Variants in FOXP1 observed in about 807,000 individuals in gnomAD.
The protein encoded by FOXP1 is forkhead box protein P1.
In FOXP1, 15 loss-of-function variants were observed where a neutral mutation model predicts 98.2. That is an observed-to-expected ratio of 0.15 (90% CI 0.10 to 0.24). The LOEUF is 0.24. FOXP1 is among the 10% of genes least tolerant of loss of function. The pLI is 1.00. For missense variants in FOXP1, 633 were observed against 848.5 expected (o/e 0.75, Z 3.15); for synonymous variants, 371 against 314.5 (o/e 1.18, Z -1.90).
intron 2 of FOXP1, among the ~76,000 whole-genome samples, chr3:71,528,331 C>T (rs557944262): frequency 6.6e-6 from 1 of 152,316 alleles, no homozygotes; most frequent in African/African-American, 2.4e-5. Flanking sequence ...GTAAACATGC[C>T]TTCCAAAGAG....
intron 11 of FOXP1, among the ~76,000 whole-genome samples, chr3:71,027,242 C>CCCAAAAA (rs1235301305): frequency 6.6e-6 from 1 of 152,042 alleles, no homozygotes; most frequent in Non-Finnish European, 1.5e-5. Flanking sequence ...ACCAATGACA[C>CCCAAAAA]CCAAAAAAAC....
intron 6 of FOXP1, among the ~76,000 whole-genome samples, chr3:71,116,550 T>C (rs1419617254): frequency 6.6e-6 from 1 of 152,242 alleles, no homozygotes; most frequent in East Asian, 1.9e-4. Context: ...TGAATTGCTA[T>C]GAATTATCCC....
chr3:71,050,654 T>G (rs2049760242), intron 9 of FOXP1, among the ~76,000 whole-genome samples: 1 of 152,222 alleles, frequency 6.6e-6, no homozygotes, highest in Non-Finnish European at 1.5e-5. Context: ...TTTCCTGTGA[T>G]CATGCATAAT....
chr3:71,530,451 T>A (rs543647101), intron 2 of FOXP1, among the ~76,000 whole-genome samples: 7 of 152,318 alleles, frequency 4.6e-5, no homozygotes, highest in African/African-American at 1.7e-4. Context: ...TTATTAATGA[T>A]CCAGTCTGTG....
chr3:70,973,313 T>C lies in FOXP1; in HGVS notation c.1531-637A>G, dbSNP rs1210337429. ...GTCTCACCTTCCAGAATATGAGAGT[T>C]GGCCCTAACTATCGGCAAGTATTTT... On this transcript the variant is annotated intron_variant, in intron 17 of 20. Coordinates refer to ENST00000649528, the MANE Select transcript of FOXP1 (RefSeq NM_001349338.3). Among the ~76,000 whole-genome samples the C allele has an allele frequency of 2.0e-5, 3 of 146,648 alleles. No homozygotes were observed. In the Admixed American group the frequency reaches 2.1e-4, roughly 10 times the overall value.
intron 2 of FOXP1, among the ~76,000 whole-genome samples, chr3:71,550,554 A>C (rs529917346): frequency 6.6e-6 from 1 of 152,272 alleles, no homozygotes; most frequent in African/African-American, 2.4e-5. Flanking sequence ...GTGAATAGAA[A>C]GCAAAGCCAT....
intron 3 of FOXP1, among the ~76,000 whole-genome samples, chr3:71,419,234 CAAAAAAAAAAAAAAAA>C (rs36072859): frequency 2.1e-5 from 1 of 47,820 alleles, no homozygotes; most frequent in African/African-American, 1.1e-4. Flanking sequence ...GACTCCATCT[CAAAAAAAAAAAAAAAA>C]AAAAAAAAAA....
At chr3:71,198,433 A>AG (rs1330198331) in intron 5 of FOXP1, 41 bp from the exon 6 acceptor site, 3 of 1,010,748 alleles carry the variant, frequency 3.0e-6, no homozygotes, top group African/African-American at 3.3e-5. Context: ...GGAGGGGGGG[A>AG]GAAAAAAAAA....
At chr3:71,209,834 C>A (rs1347248279) in intron 5 of FOXP1, among the ~76,000 whole-genome samples, 1 of 152,044 alleles carries the variant, frequency 6.6e-6, no homozygotes, top group Non-Finnish European at 1.5e-5. Context: ...ACTTTAACAC[C>A]ATTAATTTAA....
intron 2 of FOXP1, among the ~76,000 whole-genome samples, chr3:71,510,602 G>T (rs1211800300): frequency 6.6e-6 from 1 of 152,174 alleles, no homozygotes; most frequent in Non-Finnish European, 1.5e-5. Flanking sequence ...ACACTTATGT[G>T]TAGTGTCCTC....
At chr3:71,526,528 G>A (rs185967939) in intron 2 of FOXP1, among the ~76,000 whole-genome samples, 6 of 152,276 alleles carry the variant, frequency 3.9e-5, no homozygotes, top group East Asian at 3.9e-4. Flanking sequence ...AAGCAGAAAC[G>A]GGGCTCTAAG....
chr3:71,541,781 A>G (rs908399636), intron 2 of FOXP1, among the ~76,000 whole-genome samples: 2 of 152,242 alleles, frequency 1.3e-5, no homozygotes, highest in African/African-American at 4.8e-5. Context: ...TAGAAAGTCC[A>G]TACTGTACTG....
At chr3:71,000,348 G>C (rs1303723504) in intron 13 of FOXP1, among the ~76,000 whole-genome samples, 2 of 151,490 alleles carry the variant, frequency 1.3e-5, no homozygotes, top group Non-Finnish European at 2.9e-5. Context: ...ATCTGATTAT[G>C]TGCATGTGTG....
chr3:71,581,891 C>T (rs1578275326), intron 1 of FOXP1, 194 bp from the exon 2 acceptor site: 1 of 983,820 alleles, frequency 1.0e-6, no homozygotes. Flanking sequence ...ATCCAGAGAC[C>T]GGGAAATCGG....
intron 12 of FOXP1, among the ~76,000 whole-genome samples, chr3:71,006,425 T>C (rs1207683568): frequency 6.6e-6 from 1 of 152,068 alleles, no homozygotes; most frequent in Non-Finnish European, 1.5e-5. Context: ...AACTCATTTT[T>C]CCCTAAAGAG....
At chr3:71,110,404 C>G (rs1036085297) in intron 7 of FOXP1, among the ~76,000 whole-genome samples, 1 of 151,920 alleles carries the variant, frequency 6.6e-6, no homozygotes, top group African/African-American at 2.4e-5. Context: ...GTAAGATTTC[C>G]CCCCCAATAA....
intron 6 of FOXP1, among the ~76,000 whole-genome samples, chr3:71,115,897 T>G (rs1236321865): frequency 1.3e-5 from 2 of 151,966 alleles, no homozygotes; most frequent in East Asian, 3.9e-4. Context: ...CCACCATGCC[T>G]TGCTAGCTTT....
In FOXP1 at chr3:70,957,535, A is replaced by C. The variant is rs2032115020; in HGVS notation, c.*1712T>G. On this transcript the variant is annotated 3_prime_UTR_variant, in exon 21 of 21. Coordinates refer to ENST00000649528, the MANE Select transcript of FOXP1 (RefSeq NM_001349338.3). ...TCTTTGGTAATTTTAGAAAAAAGGT[A>C]CAAAGAAAGAATATAAATTAAGCTT... The C allele has an allele frequency of 4.3e-6, 1 of 231,426 alleles. No individual in the cohort carries two copies. Among genetic ancestry groups the C allele is most frequent in the Non-Finnish European group, 8.6e-6 (1 of 116,776 alleles). The allele number at this position is 231,426 out of a possible 1,614,324, so 14.3% of individuals were successfully genotyped here. A position where few individuals can be genotyped will look rare whatever the true frequency, so the allele number is the denominator to read the frequency against.
intron 2 of FOXP1, among the ~76,000 whole-genome samples, chr3:71,503,493 C>T (rs910097453): frequency 1.4e-5 from 2 of 147,568 alleles, no homozygotes; most frequent in Non-Finnish European, 3.0e-5. Flanking sequence ...CTCAGATACC[C>T]GGGAGGTTGA....
Sources: gnomAD v4.1 joint callset for allele counts (sites outside exome capture counted in the v4.1 genomes callset) on GRCh38, gnomAD v4.1.1 for gene constraint, MANE v1.5 for transcripts, NCBI Gene and HGNC (gene_info 2026-07-23, HGNC 2026-07-21) for gene names.